Variants in FRMD4B observed in about 807,000 individuals in gnomAD.
FRMD4B encodes the protein FERM domain-containing protein 4B.
A neutral mutation model predicts 141.5 loss-of-function variants in FRMD4B; 74 were observed. The ratio of observed to expected loss-of-function variants is 0.52; its 90% CI spans 0.43 to 0.63. The LOEUF is 0.63. Ranked by LOEUF, FRMD4B falls within the 30% of genes least tolerant of loss-of-function variation. The probability of loss-of-function intolerance (pLI) is 0.00; values close to 1 mark genes in which losing one functional copy is unlikely to be tolerated. For missense variants in FRMD4B, 1,366 were observed against 1,253.4 expected, an observed-to-expected ratio of 1.09 and a Z score of -1.36; for synonymous variants, 506 against 467.9, an observed-to-expected ratio of 1.08 and a Z score of -1.05.
chr3:69,448,633 T>A (rs1705445673), intron 1 of FRMD4B, among the ~76,000 whole-genome samples: 1 of 152,202 alleles, frequency 6.6e-6, no homozygotes, highest in Admixed American at 6.5e-5. Flanking sequence ...ATGTTGAGCA[T>A]CATTTTCGGG....
In FRMD4B at chr3:69,181,563, C is replaced by T. The variant is rs1471429632; in HGVS notation, c.2187G>A (p.Gly729=). 2 of 1,613,866 alleles carry T rather than the reference C, an allele frequency of 1.2e-6. No homozygotes were observed. The highest frequency in any genetic ancestry group is 2.2e-5 in the South Asian group (2 of 91,072). ...RSSSTEILDD[G]SSYTSQSSTE... The stretch of plus-strand genomic sequence containing the variant: ...TGCTTGATTGGCTTGTATAAGAAGA[C>T]CCGTCATCGAGGATTTCTGTGCTGC... The change falls in exon 21 of 23, where the codon GGG becomes GGA. Residue 729 remains glycine (G), a synonymous_variant. Transcript: ENST00000398540.
At chr3:69,332,947 G>A (rs905659653) in intron 1 of FRMD4B, among the ~76,000 whole-genome samples, 1 of 151,982 alleles carries the variant, frequency 6.6e-6, no homozygotes, top group African/African-American at 2.4e-5. Context: ...CCAAAAAGCA[G>A]AGTTAAAAAA....
At chr3:69,477,634 A>G (rs1241862227) in intron 1 of FRMD4B, among the ~76,000 whole-genome samples, 2 of 152,176 alleles carry the variant, frequency 1.3e-5, no homozygotes, top group South Asian at 4.2e-4. Flanking sequence ...TTTTGCATCA[A>G]TGTTCATCAA....
chr3:69,480,605 C>T (rs1412356478), intron 1 of FRMD4B, among the ~76,000 whole-genome samples: 1 of 152,126 alleles, frequency 6.6e-6, no homozygotes, highest in African/African-American at 2.4e-5. Context: ...TGTGAGGTGT[C>T]AGTCTGCCCC....
At chr3:69,261,240 A>G (rs567180153) in intron 5 of FRMD4B, among the ~76,000 whole-genome samples, 63 of 152,234 alleles carry the variant, frequency 4.1e-4, no homozygotes, top group Non-Finnish European at 7.6e-4. Context: ...TGAATCCACC[A>G]GAAGAAAGAA....
intron 11 of FRMD4B, among the ~76,000 whole-genome samples, chr3:69,209,077 G>A (rs1252910859): frequency 6.6e-6 from 1 of 151,588 alleles, no homozygotes; most frequent in African/African-American, 2.4e-5. Context: ...CTGGGAGGTG[G>A]AGGTTGCAGT....
intron 5 of FRMD4B, 37 bp downstream of exon 5, chr3:69,287,715 G>A (rs1338025192): frequency 9.5e-7 from 1 of 1,051,956 alleles, no homozygotes; most frequent in African/African-American, 1.6e-5. Flanking sequence ...CAGTCGCTCT[G>A]GAGGCATCCA....
chr3:69,441,513 CTTT>C (rs1705342017), intron 1 of FRMD4B, among the ~76,000 whole-genome samples: 1 of 152,160 alleles, frequency 6.6e-6, no homozygotes, highest in Admixed American at 6.5e-5. Flanking sequence ...GACATAGCTT[CTTT>C]ATTTCTTCAC....
At chr3:69,207,060 T>C (rs1004887336) in intron 11 of FRMD4B, among the ~76,000 whole-genome samples, 6 of 152,086 alleles carry the variant, frequency 3.9e-5, no homozygotes, top group African/African-American at 1.2e-4. Flanking sequence ...CCCAGCACTT[T>C]GGGAGGCTGA....
chr3:69,427,641 A>ATTT (rs1285387505), intron 2 of FRMD4B, among the ~76,000 whole-genome samples: 3 of 74,564 alleles, frequency 4.0e-5, no homozygotes, highest in African/African-American at 1.6e-4. Flanking sequence ...AGCTAGGTAA[A>ATTT]TGTTTTTTTT....
chr3:69,182,649 A>C lies in FRMD4B; in HGVS notation c.1988T>G (p.Met663Arg). 1.2e-6 allele frequency: 2 copies of C among 1,613,816 alleles called. No homozygotes were observed. Among genetic ancestry groups the C allele is most frequent in the South Asian group, 1.1e-5 (1 of 91,068 alleles). ...TCGGGTAAGAACTGGCGTGGTGGGC[A>C]TGCTTCGTCCTCCCTGGGGCCGCCT... is the stretch of plus-strand genomic sequence containing the variant. ...LERRPQGGRSMPTTPVLTRNA... is the reference protein window; with the variant it reads ...LERRPQGGRSRPTTPVLTRNA... The change falls in exon 20 of 23, where the codon ATG becomes AGG. Residue 663 changes from methionine (M) to arginine (R), a missense_variant. Transcript: ENST00000398540.
chr3:69,427,850 T>C (rs1258863084), intron 2 of FRMD4B, among the ~76,000 whole-genome samples: 1 of 151,750 alleles, frequency 6.6e-6, no homozygotes, highest in Admixed American at 6.6e-5. Context: ...GAGACTGGGT[T>C]TCACCATGTT....
chr3:69,292,990 A>C (rs1175611525), intron 4 of FRMD4B: 3 of 453,984 alleles, frequency 6.6e-6, no homozygotes, highest in Non-Finnish European at 1.3e-5. Context: ...TCACAAGTGT[A>C]ATTTCTTGAG....
intron 1 of FRMD4B, among the ~76,000 whole-genome samples, chr3:69,499,713 G>A (rs1261803261): frequency 1.3e-5 from 2 of 152,102 alleles, no homozygotes; most frequent in African/African-American, 4.8e-5. Context: ...GAGAGAGAGA[G>A]ATGGATTCTA....
intron 1 of FRMD4B, among the ~76,000 whole-genome samples, chr3:69,317,176 A>T (rs1701829177): frequency 6.6e-6 from 1 of 152,198 alleles, no homozygotes; most frequent in African/African-American, 2.4e-5. Context: ...TTTATTCTAG[A>T]CTATTCAACT....
chr3:69,517,114 C>T (rs533422453), intron 1 of FRMD4B, among the ~76,000 whole-genome samples: 1 of 152,218 alleles, frequency 6.6e-6, no homozygotes, highest in African/African-American at 2.4e-5. Context: ...AGACAATTTA[C>T]CTTGCCTTTG....
chr3:69,278,755 T>G lies in FRMD4B; in HGVS notation c.501+8997A>C, dbSNP rs528600249. ...GCATGCGCCACTGCACCTGGCTAAT[T>G]TTTTTTTATTTTTTGTAGAGACGGG... On this transcript the variant is annotated intron_variant, in intron 5 of 22. Coordinates refer to ENST00000398540, the MANE Select transcript of FRMD4B (RefSeq NM_015123.3). Among the ~76,000 whole-genome samples the G allele has an allele frequency of 6.6e-5, 10 of 151,964 alleles. No individual in the cohort carries two copies. In the East Asian group the frequency reaches 1.9e-3, roughly 30 times the overall value.
chr3:69,342,561 A>G (rs1702774184), intron 1 of FRMD4B, among the ~76,000 whole-genome samples: 1 of 152,232 alleles, frequency 6.6e-6, no homozygotes, highest in African/African-American at 2.4e-5. Context: ...GGATAGTTGT[A>G]TAATAATATT....
intron 2 of FRMD4B, among the ~76,000 whole-genome samples, chr3:69,425,977 C>CAGATGA (rs1705070248): frequency 6.6e-6 from 1 of 152,230 alleles, no homozygotes; most frequent in Non-Finnish European, 1.5e-5. Context: ...GTTTCAAAGT[C>CAGATGA]TACCATAACA....
Sources: gnomAD v4.1 joint callset for allele counts (sites outside exome capture counted in the v4.1 genomes callset) on GRCh38, gnomAD v4.1.1 for gene constraint, MANE v1.5 for transcripts, NCBI Gene and HGNC (gene_info 2026-07-23, HGNC 2026-07-21) for gene names.